The following AGGF1 variants were observed in gnomAD, a reference collection of about 807,000 sequenced individuals.
AGGF1 encodes the protein angiogenic factor with G-patch and FHA domains 1, also known as angiogenic factor with G patch and FHA domains 1.
In AGGF1, 56 loss-of-function variants were observed where a neutral mutation model predicts 86.5. That is an observed-to-expected ratio of 0.65 (90% confidence interval 0.52 to 0.81). The LOEUF (loss-of-function observed/expected upper bound fraction) is 0.81. AGGF1 is among the 30% of genes least tolerant of loss of function. AGGF1 has a pLI of 0.00. For synonymous variants in AGGF1, 313 were observed against 297.1 expected, an observed-to-expected ratio of 1.05 and a Z score of -0.55; for missense variants, 816 against 850.9, an observed-to-expected ratio of 0.96 and a Z score of 0.51.
At chr5:77,035,912 T>G in intron 3 of AGGF1, 169 bp downstream of exon 3, 2 of 662,576 alleles carry the variant, frequency 3.0e-6, no homozygotes, top group Non-Finnish European at 5.1e-6. Flanking sequence ...AAACCAGAAT[T>G]AGAACTTCTT....
chr5:77,061,661 A>G (rs761691080), intron 12 of AGGF1, 42 bp from the exon 13 acceptor site: 3 of 1,548,836 alleles, frequency 1.9e-6, no homozygotes, highest in Admixed American at 3.3e-5. Flanking sequence ...GTGACCTAAA[A>G]GATCTTTTAT....
chr5:77,048,372 G>A, intron 7 of AGGF1, 100 bp downstream of exon 7: 1 of 1,026,602 alleles, frequency 9.7e-7, no homozygotes, highest in South Asian at 1.4e-5. Flanking sequence ...TTGTTTTTGA[G>A]ACAGAGTTGT....
intron 5 of AGGF1, 48 bp downstream of exon 5, chr5:77,039,767 T>C (rs1446931906): frequency 2.6e-6 from 4 of 1,522,374 alleles, no homozygotes; most frequent in Non-Finnish European, 3.6e-6. Context: ...GATAACATGA[T>C]AATTAAGACA....
Position 77,030,587 on chromosome 5 carries a change from C to G in AGGF1, c.-180C>G. The G allele has an allele frequency of 1.3e-6, 1 of 764,950 alleles. No homozygotes were observed. Among genetic ancestry groups the G allele is most frequent in the Non-Finnish European group, 2.2e-6 (1 of 444,502 alleles). The allele number at this position is 764,950 out of a possible 1,614,324, so 47.4% of individuals were successfully genotyped here. On this transcript the variant is annotated 5_prime_UTR_variant, in exon 1 of 14. Transcript: ENST00000312916. Reference sequence around the variant, plus strand: ...ATCCTCGGTCCCCTTGCTCGTTGCTCGCAGCCCCGTTCGGCTACAAGTGAG... The same window carrying G: ...ATCCTCGGTCCCCTTGCTCGTTGCTGGCAGCCCCGTTCGGCTACAAGTGAG...
Position 77,035,652 on chromosome 5 carries a change from A to G in AGGF1, c.425A>G (p.His142Arg). Residue 142 changes from histidine (H) to arginine (R), a missense_variant, in exon 3 of 14, where the codon CAT becomes CGT. His to Arg is a conservative substitution (Grantham distance 29). Around this residue, in one of 3 missense-constraint regions of AGGF1, gnomAD observed 240 missense variants for 234.4 expected, o/e 1.02. Transcript: ENST00000312916. ...IETSILNSKD[H>R]LQVENDAYPG... ...ACTTCTATTTTGAATTCTAAAGACC[A>G]TTTACAAGTAGAAAATGATGCTTAC... The G allele has an allele frequency of 6.2e-7, 1 of 1,613,696 alleles. No individual in the cohort carries two copies. The highest frequency in any genetic ancestry group is 8.5e-7 in the Non-Finnish European group (1 of 1,179,694).
intron 1 of AGGF1, among the ~76,000 whole-genome samples, chr5:77,032,547 A>G (rs1449962302): frequency 7.2e-4 from 104 of 145,344 alleles, no homozygotes; most frequent in African/African-American, 2.6e-3. Context: ...CTGGGCGACA[A>G]AGCAAGACTC....
At chr5:77,054,281 C>A in intron 10 of AGGF1, 151 bp downstream of exon 10, 1 of 921,124 alleles carries the variant, frequency 1.1e-6, no homozygotes, top group Non-Finnish European at 1.7e-6. Context: ...GTCTTGTATC[C>A]AGTTGATCTA....
In AGGF1 at chr5:77,063,339, A is replaced by G. The variant is rs1747602150; in HGVS notation, c.*87A>G. The stretch of plus-strand genomic sequence containing the variant: ...TTCTCCCCAAAAGAATCAGCAGCAC[A>G]GGGGAACTATGTCACAGTTTACCTC... On this transcript the variant is annotated 3_prime_UTR_variant, in exon 14 of 14. Transcript: ENST00000312916. 3 of 1,303,600 alleles carry G rather than the reference A, an allele frequency of 2.3e-6. No individual in the cohort carries two copies. The South Asian group carries it at 3.9e-5, about 17-fold the overall frequency. The allele number at this position is 1,303,600 out of a possible 1,614,324, so 80.8% of individuals were successfully genotyped here.
At chr5:77,032,523 C>CACTG (rs1746886701) in intron 1 of AGGF1, among the ~76,000 whole-genome samples, 1 of 137,178 alleles carries the variant, frequency 7.3e-6, no homozygotes, top group Non-Finnish European at 1.5e-5. Context: ...GAGATTGCGC[C>CACTG]ACTGCACTCC....
intron 4 of AGGF1, among the ~76,000 whole-genome samples, chr5:77,037,008 G>A (rs1203407101): frequency 1.3e-5 from 2 of 152,130 alleles, no homozygotes; most frequent in East Asian, 3.9e-4. Flanking sequence ...CTCAGTGCCT[G>A]ATATCAAATA....
At chr5:77,054,275 T>C in intron 10 of AGGF1, 145 bp downstream of exon 10, 1 of 963,858 alleles carries the variant, frequency 1.0e-6, no homozygotes, top group Non-Finnish European at 1.6e-6. Context: ...CTATCAGTCT[T>C]GTATCCAGTT....
chr5:77,046,228 A>G, intron 5 of AGGF1, 119 bp from the exon 6 acceptor site: 2 of 886,470 alleles, frequency 2.3e-6, no homozygotes, highest in Admixed American at 1.7e-5. Flanking sequence ...GATTGTAACC[A>G]TTGTTATTTT....
At chr5:77,059,537 C>G (rs76115441) in intron 11 of AGGF1, 79 bp from the exon 12 acceptor site, 3 of 1,277,776 alleles carry the variant, frequency 2.3e-6, no homozygotes, top group Non-Finnish European at 3.4e-6. Context: ...GAATCATATT[C>G]GTTAAGTAAG....
chr5:77,036,520 C>A, intron 3 of AGGF1, 36 bp from the exon 4 acceptor site: 1 of 1,611,854 alleles, frequency 6.2e-7, no homozygotes, highest in Non-Finnish European at 8.5e-7. Context: ...TATACAGAAG[C>A]TTTTGTCTTA....
intron 5 of AGGF1, among the ~76,000 whole-genome samples, chr5:77,040,169 C>T (rs1747046752): frequency 1.3e-5 from 2 of 149,944 alleles, no homozygotes; most frequent in Middle Eastern, 3.4e-3. Flanking sequence ...AATGCAATGG[C>T]GTGATCTCAG....
At chr5:77,056,226 CTTTTT>C (rs770417117) in intron 11 of AGGF1, among the ~76,000 whole-genome samples, 3 of 104,508 alleles carry the variant, frequency 2.9e-5, no homozygotes, top group African/African-American at 7.3e-5. Context: ...AAAGAGTGGT[CTTTTT>C]TTTTTTTTTT....
intron 11 of AGGF1, among the ~76,000 whole-genome samples, chr5:77,056,226 C>CTTTTTT (rs770417117): frequency 3.8e-5 from 4 of 104,520 alleles, no homozygotes; most frequent in Admixed American, 1.2e-4. Flanking sequence ...AAAGAGTGGT[C>CTTTTTT]TTTTTTTTTT....
Position 77,061,710 on chromosome 5 carries a change from A to G in AGGF1, c.1852A>G (p.Thr618Ala), listed in dbSNP as rs1176083041. The G allele has an allele frequency of 1.9e-6, 3 of 1,612,430 alleles. No homozygotes were observed. The highest frequency in any genetic ancestry group is 1.1e-5 in the South Asian group (1 of 91,040). Residue 618 changes from threonine to alanine, a missense_variant, in exon 13 of 14, where the codon ACT becomes GCT. Coordinates refer to ENST00000312916, the MANE Select transcript of AGGF1 (RefSeq NM_018046.5). ...TTTTAATATTCCTTAAAGTGAAATT[A>G]CTGATAGCAACAAAGGTCGGAAGAT... ...DAPASVHSEI[T>A]DSNKGRKMLE...
At chr5:77,053,381 T>A (rs1313853473) in intron 9 of AGGF1, among the ~76,000 whole-genome samples, 3 of 151,970 alleles carry the variant, frequency 2.0e-5, no homozygotes, top group African/African-American at 7.3e-5. Context: ...TAGCTGGGCG[T>A]GGTGGTGTGT....
Sources: allele counts gnomAD v4.1 joint callset (sites outside exome capture counted in the v4.1 genomes callset), GRCh38; gene constraint gnomAD v4.1.1; regional missense constraint gnomAD v4.1.1; transcripts MANE v1.5; gene names NCBI Gene and HGNC (gene_info 2026-07-23, HGNC 2026-07-21).